TENM2: variants seen among roughly 807,000 people sequenced by gnomAD.
TENM2 encodes teneurin-2.
Under a neutral mutation model 245.2 loss-of-function variants are expected in TENM2, and 52 were observed. That is an observed-to-expected ratio of 0.21 (90% CI 0.17 to 0.27). The LOEUF is 0.27. Ranked by LOEUF, TENM2 falls within the 10% of genes least tolerant of loss-of-function variation. TENM2 has a pLI of 1.00. For missense variants in TENM2, 3,046 were observed against 3,666.8 expected (o/e 0.83, Z 4.37); for synonymous variants, 1,363 against 1,438.9 (o/e 0.95, Z 1.19).
At chr5:167,511,087 T>C (rs1185585226) in intron 2 of TENM2, among the ~76,000 whole-genome samples, 1 of 152,204 alleles carries the variant, frequency 6.6e-6, no homozygotes, top group Non-Finnish European at 1.5e-5. Flanking sequence ...ATGTATTACA[T>C]ACCTTCTATA....
intron 2 of TENM2, among the ~76,000 whole-genome samples, chr5:167,620,275 G>A (rs937497491): frequency 1.3e-5 from 2 of 152,104 alleles, no homozygotes; most frequent in Admixed American, 6.6e-5. Flanking sequence ...GGAGCACTTG[G>A]AGGGGGAAAT....
chr5:167,801,109 A>AATATATATATAT (rs869282464), intron 2 of TENM2, among the ~76,000 whole-genome samples: 4 of 66,550 alleles, frequency 6.0e-5, no homozygotes, highest in Admixed American at 4.4e-4. Flanking sequence ...AAAAAAAAAA[A>AATATATATATAT]ATATATATAT....
At chr5:167,518,828 G>C (rs189430867) in intron 2 of TENM2, among the ~76,000 whole-genome samples, 1 of 152,204 alleles carries the variant, frequency 6.6e-6, no homozygotes, top group East Asian at 1.9e-4. Context: ...TGATTCAGCT[G>C]GGGCCAGTGG....
the TENM2 span, among the ~76,000 whole-genome samples, chr5:167,227,933 T>C: frequency 6.6e-6 from 1 of 152,188 alleles, no homozygotes; most frequent in African/African-American, 2.4e-5. Context: ...TCACAAAATC[T>C]TTGCTCATTC....
chr5:167,055,810 G>A, the TENM2 span, among the ~76,000 whole-genome samples: 1 of 151,658 alleles, frequency 6.6e-6, no homozygotes, highest in Non-Finnish European at 1.5e-5. Flanking sequence ...AATATTTTTG[G>A]GTAGATTATT....
chr5:167,885,442 T>C (rs945268935), intron 3 of TENM2, among the ~76,000 whole-genome samples: 4 of 152,220 alleles, frequency 2.6e-5, no homozygotes, highest in African/African-American at 9.6e-5. Context: ...CAATAACATC[T>C]AGGCTTAGGT....
At chr5:167,624,377 A>G (rs545106259) in intron 2 of TENM2, among the ~76,000 whole-genome samples, 1 of 152,168 alleles carries the variant, frequency 6.6e-6, no homozygotes, top group Non-Finnish European at 1.5e-5. Context: ...TTGGCTAGTC[A>G]TGGACATAAA....
At chr5:167,676,943 C>T (rs1391812882) in intron 2 of TENM2, among the ~76,000 whole-genome samples, 6 of 152,148 alleles carry the variant, frequency 3.9e-5, no homozygotes, top group Middle Eastern at 3.4e-3. Flanking sequence ...TGAAAATGAC[C>T]TCCTGAAGTC....
the TENM2 span, among the ~76,000 whole-genome samples, chr5:167,177,655 G>A: frequency 1.3e-5 from 2 of 152,190 alleles, no homozygotes. Context: ...AGGTGTATTT[G>A]ATGGGAGAGA....
intron 2 of TENM2, among the ~76,000 whole-genome samples, chr5:167,635,936 G>A (rs1051960926): frequency 1.3e-5 from 2 of 151,576 alleles, no homozygotes; most frequent in Admixed American, 6.6e-5. Context: ...GAGTCACAGC[G>A]CCCGGCCCAG....
At chr5:167,668,371 G>T (rs1755709391) in intron 2 of TENM2, among the ~76,000 whole-genome samples, 1 of 152,128 alleles carries the variant, frequency 6.6e-6, no homozygotes, top group Non-Finnish European at 1.5e-5. Context: ...TCCTGTGAGG[G>T]TGTTATGAGG....
chr5:167,244,658 C>A, the TENM2 span, among the ~76,000 whole-genome samples: 1 of 152,186 alleles, frequency 6.6e-6, no homozygotes, highest in Non-Finnish European at 1.5e-5. Context: ...CTGAGAGAAG[C>A]CCAGGGCATT....
rs564246667 is a variant in TENM2, at chr5:167,386,468, C to G, written c.502+10995C>G. Among the ~76,000 whole-genome samples the G allele has an allele frequency of 2.4e-4, 36 of 152,226 alleles. No individual in the cohort carries two copies. The East Asian group carries it at 6.4e-3, about 27-fold the overall frequency. On this transcript the variant is annotated intron_variant, in intron 2 of 28. Coordinates refer to ENST00000518659, the Ensembl canonical transcript of TENM2. ...GATTTTCTCCCACTCTGTGGGTTGTCTGTTTACTCTGCTGACTTTTCCTTT... is the reference window on the plus strand; with the variant it reads ...GATTTTCTCCCACTCTGTGGGTTGTGTGTTTACTCTGCTGACTTTTCCTTT...
intron 3 of TENM2, among the ~76,000 whole-genome samples, chr5:167,916,383 T>C (rs943286722): frequency 1.3e-5 from 2 of 152,060 alleles, no homozygotes; most frequent in Non-Finnish European, 2.9e-5. Context: ...AAGGACTTGG[T>C]TGGTGAAAAA....
At chr5:167,067,397 G>T in the TENM2 span, among the ~76,000 whole-genome samples, 1 of 152,032 alleles carries the variant, frequency 6.6e-6, no homozygotes. Context: ...GATTGACTTG[G>T]TGCATCTTTA....
At chr5:168,154,005 G>A (rs1471871153) in intron 12 of TENM2, among the ~76,000 whole-genome samples, 2 of 152,104 alleles carry the variant, frequency 1.3e-5, no homozygotes, top group South Asian at 4.2e-4. Flanking sequence ...GAAAGCACAG[G>A]CCAGGCTGGA....
chr5:167,270,530 T>C, the TENM2 span, among the ~76,000 whole-genome samples: 2 of 152,118 alleles, frequency 1.3e-5, no homozygotes, highest in African/African-American at 4.8e-5. Context: ...CATCATGATC[T>C]CTCTCTCCTG....
the TENM2 span, among the ~76,000 whole-genome samples, chr5:167,245,543 A>G: frequency 1.1e-4 from 17 of 151,944 alleles, no homozygotes; most frequent in Non-Finnish European, 2.2e-4. Context: ...TCCTCAGGAA[A>G]TGAACAGAAC....
intron 2 of TENM2, among the ~76,000 whole-genome samples, chr5:167,613,227 T>C (rs1009122914): frequency 2.0e-5 from 3 of 152,132 alleles, no homozygotes; most frequent in Admixed American, 6.5e-5. Context: ...CATCTAGATG[T>C]CTTAATTTTC....
Sources: gnomAD v4.1 joint callset for allele counts (sites outside exome capture counted in the v4.1 genomes callset) on GRCh38, gnomAD v4.1.1 for gene constraint, MANE v1.5 for transcripts, NCBI Gene and HGNC (gene_info 2026-07-23, HGNC 2026-07-21) for gene names.